Variants in TRPS1 observed in about 807,000 individuals in gnomAD.
TRPS1 encodes the protein zinc finger transcription factor Trps1.
Under a neutral mutation model 101.2 loss-of-function variants are expected in TRPS1, and 6 were observed. The observed-to-expected ratio is 0.06, with a 90% CI of 0.03 to 0.12. The LOEUF (loss-of-function observed/expected upper bound fraction) is 0.12. TRPS1 is among the 10% of genes least tolerant of loss of function. The pLI is 1.00. For synonymous variants in TRPS1, 578 were observed against 589.8 expected (o/e 0.98, Z 0.29); for missense variants, 1,363 against 1,567.0 (o/e 0.87, Z 2.20).
At chr8:115,519,241 T>C (rs192712531) in intron 5 of TRPS1, among the ~76,000 whole-genome samples, 1 of 151,870 alleles carries the variant, frequency 6.6e-6, no homozygotes, top group Admixed American at 6.6e-5. Context: ...AAGGCACGCA[T>C]TGTGAAAAAC....
At chr8:115,498,982 T>C (rs1428076950) in intron 5 of TRPS1, among the ~76,000 whole-genome samples, 6 of 152,148 alleles carry the variant, frequency 3.9e-5, no homozygotes, top group African/African-American at 7.2e-5. Context: ...TTAAATCTTT[T>C]GGAAAATGAA....
At chr8:115,539,886 G>A (rs1051907618) in intron 5 of TRPS1, among the ~76,000 whole-genome samples, 2 of 152,084 alleles carry the variant, frequency 1.3e-5, no homozygotes, top group African/African-American at 4.8e-5. Flanking sequence ...GATTTTGCTG[G>A]ATAATATCTG....
At chr8:115,572,073 C>T (rs1328632613) in intron 5 of TRPS1, among the ~76,000 whole-genome samples, 2 of 152,064 alleles carry the variant, frequency 1.3e-5, no homozygotes, top group African/African-American at 4.8e-5. Flanking sequence ...TGTTCTAAAA[C>T]GTACTCTTCT....
chr8:115,475,266 T>TTATATATA lies in TRPS1; in HGVS notation c.2701-56822_2701-56815dup, dbSNP rs33922102. 5.3e-3 allele frequency among the ~76,000 whole-genome samples: 653 copies of TTATATATA among 123,826 alleles called. 2 individuals are homozygous for TTATATATA. Among genetic ancestry groups the TTATATATA allele is most frequent in the African/African-American group, 0.013 (365 of 28,840 alleles). 81.2% of individuals were successfully genotyped at this position (123,826 alleles called of 152,430 possible). A position where few individuals can be genotyped will look rare whatever the true frequency, so the allele number is the denominator to read the frequency against. Reference sequence around the variant, plus strand: ...TTTACTATATATTTTTGAATCACAGTTATATATATATATATATATATATAT... The same window carrying TTATATATA: ...TTTACTATATATTTTTGAATCACAGTTATATATATATATATATATATATATATATATAT... On this transcript the variant is annotated intron_variant, in intron 5 of 6. Coordinates refer to ENST00000395715, the MANE Select transcript of TRPS1 (RefSeq NM_014112.5).
chr8:115,562,190 A>T (rs184280651), intron 5 of TRPS1, among the ~76,000 whole-genome samples: 1 of 152,202 alleles, frequency 6.6e-6, no homozygotes, highest in East Asian at 1.9e-4. Flanking sequence ...TAGACCAATG[A>T]TATTAAAAAT....
At chr8:115,448,024 A>G (rs1813779657) in intron 5 of TRPS1, among the ~76,000 whole-genome samples, 1 of 152,186 alleles carries the variant, frequency 6.6e-6, no homozygotes, top group Non-Finnish European at 1.5e-5. Flanking sequence ...GATGACTAAC[A>G]TAAAAGGACC....
intron 5 of TRPS1, among the ~76,000 whole-genome samples, chr8:115,442,737 G>A (rs544028141): frequency 5.9e-5 from 9 of 151,964 alleles, no homozygotes; most frequent in African/African-American, 2.2e-4. Context: ...TGAGGCGGGC[G>A]GATCATTTGA....
chr8:115,593,299 T>C (rs956991809), intron 4 of TRPS1, among the ~76,000 whole-genome samples: 1 of 152,232 alleles, frequency 6.6e-6, no homozygotes, highest in East Asian at 1.9e-4. Context: ...TAGTGCCAGG[T>C]CATTTACATA....
chr8:115,455,876 C>G (rs374108937), intron 5 of TRPS1, among the ~76,000 whole-genome samples: 395 of 150,514 alleles, frequency 2.6e-3, no homozygotes, highest in African/African-American at 9.4e-3. Context: ...GCTCCACCTC[C>G]TGGGTTCACA....
At chr8:115,635,526 C>G (rs1017029477) in intron 1 of TRPS1, among the ~76,000 whole-genome samples, 2 of 152,030 alleles carry the variant, frequency 1.3e-5, no homozygotes, top group African/African-American at 4.8e-5. Flanking sequence ...GTGAACAAGG[C>G]AGAGAAGAAA....
intron 5 of TRPS1, among the ~76,000 whole-genome samples, chr8:115,513,224 A>AT (rs1815626414): frequency 6.6e-6 from 1 of 151,754 alleles, no homozygotes; most frequent in African/African-American, 2.4e-5. Context: ...AATCCATGTA[A>AT]TAAACATGAA....
chr8:115,473,963 G>A (rs1324406773), intron 5 of TRPS1, among the ~76,000 whole-genome samples: 3 of 152,144 alleles, frequency 2.0e-5, no homozygotes, highest in Non-Finnish European at 4.4e-5. Context: ...CTAGAATCAA[G>A]TCTTTCTTAG....
rs1815522841 is a variant in TRPS1 at position 115,509,320 on chromosome 8, T to C, written c.2700+77681A>G. On this transcript the variant is annotated intron_variant, in intron 5 of 6. Transcript: ENST00000395715. ...ATTTAATCATCATTTATGGAACATC[T>C]GTTAAGTGCTAGGAATGTTATTAAG... is the stretch of plus-strand genomic sequence containing the variant. 9.9e-5 allele frequency among the ~76,000 whole-genome samples: 15 copies of C among 152,112 alleles called. No homozygotes were observed. In the South Asian group the frequency reaches 2.9e-3, roughly 29 times the overall value.
chr8:115,483,627 G>C (rs1814810475), intron 5 of TRPS1, among the ~76,000 whole-genome samples: 2 of 151,864 alleles, frequency 1.3e-5, no homozygotes, highest in South Asian at 4.2e-4. Context: ...AAGTGGTTAA[G>C]TAACTTGCCC....
intron 5 of TRPS1, among the ~76,000 whole-genome samples, chr8:115,578,214 AAT>A (rs1457461709): frequency 6.6e-6 from 1 of 152,194 alleles, no homozygotes; most frequent in Non-Finnish European, 1.5e-5. Flanking sequence ...TCTATCATTA[AAT>A]ATGTCAATTT....
At chr8:115,517,447 T>TGA (rs1229414669) in intron 5 of TRPS1, among the ~76,000 whole-genome samples, 1 of 150,380 alleles carries the variant, frequency 6.6e-6, no homozygotes, top group Non-Finnish European at 1.5e-5. Context: ...ATTATTAAAA[T>TGA]GAGAGAGAGA....
chr8:115,434,307 C>T (rs1813396305), intron 5 of TRPS1, among the ~76,000 whole-genome samples: 2 of 152,110 alleles, frequency 1.3e-5, no homozygotes, highest in Non-Finnish European at 2.9e-5. Context: ...AAAACAAATA[C>T]ATTCTGAAAA....
intron 3 of TRPS1, among the ~76,000 whole-genome samples, chr8:115,615,391 C>G (rs1158833543): frequency 1.3e-5 from 2 of 152,280 alleles, no homozygotes; most frequent in South Asian, 2.1e-4. Context: ...CGCATTACAC[C>G]CTAATGAAAC....
chr8:115,635,404 A>T lies in TRPS1; in HGVS notation c.-121-11646T>A, dbSNP rs149783623. Reference sequence around the variant, plus strand: ...AACTGACCAAGTGATATGATAACTGATGCTCCTAAGTCAAAACTCACGTAA... The same window carrying T: ...AACTGACCAAGTGATATGATAACTGTTGCTCCTAAGTCAAAACTCACGTAA... On this transcript the variant is annotated intron_variant, in intron 1 of 6. Transcript: ENST00000395715. Among the ~76,000 whole-genome samples, 110 of 152,268 alleles carry T rather than the reference A, an allele frequency of 7.2e-4. 1 individual carries two copies. The East Asian group carries it at 0.02, about 28-fold the overall frequency.
Sources: allele counts gnomAD v4.1 joint callset (sites outside exome capture counted in the v4.1 genomes callset), GRCh38; gene constraint gnomAD v4.1.1; transcripts MANE v1.5; gene names NCBI Gene and HGNC (gene_info 2026-07-23, HGNC 2026-07-21).